Variants in LEPR observed in about 807,000 individuals in gnomAD.
LEPR encodes leptin receptor.
In LEPR, 56 loss-of-function variants were observed where a neutral mutation model predicts 114.7. The observed-to-expected ratio is 0.49, with a 90% confidence interval of 0.39 to 0.61. The LOEUF (loss-of-function observed/expected upper bound fraction) is 0.61, where lower values mean the gene tolerates loss of function less well. LEPR is among the 20% of genes least tolerant of loss of function. The pLI is 0.00. For synonymous variants in LEPR, 443 were observed against 461.4 expected, an observed-to-expected ratio of 0.96 and a Z score of 0.51; for missense variants, 1,202 against 1,352.9, an observed-to-expected ratio of 0.89 and a Z score of 1.75.
intron 14 of LEPR, among the ~76,000 whole-genome samples, chr1:65,612,921 C>T (rs889365605): frequency 1.3e-5 from 2 of 152,102 alleles, no homozygotes; most frequent in African/African-American, 4.8e-5. Context: ...TGTTGTCTGG[C>T]TGAGGTAGTG....
intron 2 of LEPR, among the ~76,000 whole-genome samples, chr1:65,479,832 A>G (rs970775391): frequency 3.9e-5 from 6 of 152,228 alleles, no homozygotes; most frequent in African/African-American, 1.4e-4. Flanking sequence ...CCAGGAATAC[A>G]GTCCTGAAGG....
chr1:65,508,301 A>G (rs188084752), intron 2 of LEPR, among the ~76,000 whole-genome samples: 1 of 152,270 alleles, frequency 6.6e-6, no homozygotes, highest in East Asian at 1.9e-4. Flanking sequence ...GTTTTCTTCT[A>G]GTAGTTTTAT....
chr1:65,527,468 G>A (rs1650053101), intron 2 of LEPR, among the ~76,000 whole-genome samples: 1 of 152,138 alleles, frequency 6.6e-6, no homozygotes, highest in Non-Finnish European at 1.5e-5. Context: ...GAAAATGTCG[G>A]GTTGTTTTAG....
At chr1:65,468,139 G>A (rs1021872466) in intron 2 of LEPR, among the ~76,000 whole-genome samples, 30 of 152,098 alleles carry the variant, frequency 2.0e-4, no homozygotes, top group Non-Finnish European at 3.8e-4. Context: ...CTGGAGCTGC[G>A]GACTGGAGCT....
At chr1:65,607,211 G>A (rs1656871630) in intron 11 of LEPR, among the ~76,000 whole-genome samples, 1 of 152,150 alleles carries the variant, frequency 6.6e-6, no homozygotes, top group Non-Finnish European at 1.5e-5. Flanking sequence ...TTTGTTGGTG[G>A]TGGTTTGTTG....
chr1:65,504,661 G>A (rs1433686887), intron 2 of LEPR, among the ~76,000 whole-genome samples: 1 of 152,148 alleles, frequency 6.6e-6, no homozygotes, highest in Non-Finnish European at 1.5e-5. Context: ...GGTGGCATGC[G>A]ACTGCAAGTA....
chr1:65,572,294 T>TG, intron 4 of LEPR, 32 bp from the exon 5 acceptor site: 1 of 1,275,428 alleles, frequency 7.8e-7, no homozygotes, highest in South Asian at 1.5e-5. Flanking sequence ...GTAGTTGTTT[T>TG]TTTTTTTTTT....
chr1:65,507,565 C>T (rs1648819902), intron 2 of LEPR, among the ~76,000 whole-genome samples: 1 of 142,620 alleles, frequency 7.0e-6, no homozygotes, highest in African/African-American at 2.6e-5. Flanking sequence ...ACACACACAA[C>T]ATTAAAAAAA....
chr1:65,435,609 C>T (rs1352524381), intron 2 of LEPR: 19 of 767,002 alleles, frequency 2.5e-5, no homozygotes, highest in East Asian at 2.6e-4. Context: ...CCTCATGATC[C>T]GCCCGCCTCT....
chr1:65,604,846 G>C (rs1656709659), intron 10 of LEPR, among the ~76,000 whole-genome samples, 192 bp from the exon 11 acceptor site: 1 of 152,164 alleles, frequency 6.6e-6, no homozygotes, highest in South Asian at 2.1e-4. Flanking sequence ...GATCTGAAGT[G>C]GAACAGTTTC....
intron 10 of LEPR, 116 bp from the exon 11 acceptor site, chr1:65,604,922 C>G: frequency 7.8e-7 from 1 of 1,285,764 alleles, no homozygotes; most frequent in Non-Finnish European, 1.1e-6. Flanking sequence ...TGAAACCGGT[C>G]CCTGGTGCCA....
At chr1:65,572,656 T>C (rs559018936) in intron 5 of LEPR, among the ~76,000 whole-genome samples, 4 of 152,282 alleles carry the variant, frequency 2.6e-5, no homozygotes, top group African/African-American at 9.6e-5. Flanking sequence ...AGGGTCACGA[T>C]TGTCAGGTCC....
intron 11 of LEPR, 93 bp downstream of exon 11, chr1:65,605,330 A>T: frequency 6.6e-7 from 1 of 1,518,220 alleles, no homozygotes; most frequent in Non-Finnish European, 9.1e-7. Context: ...TTTTCTGATC[A>T]CATTAGATTT....
chr1:65,543,988 TA>T (rs1651443579), intron 2 of LEPR, among the ~76,000 whole-genome samples: 1 of 152,038 alleles, frequency 6.6e-6, no homozygotes, highest in Non-Finnish European at 1.5e-5. Flanking sequence ...AAGTAGTTTT[TA>T]AAATTCTTTA....
intron 19 of LEPR, among the ~76,000 whole-genome samples, chr1:65,628,693 C>G (rs1380781181): frequency 6.6e-6 from 1 of 152,068 alleles, no homozygotes; most frequent in African/African-American, 2.4e-5. Context: ...TATTCCTCTA[C>G]TGGTGGATGT....
intron 2 of LEPR, among the ~76,000 whole-genome samples, chr1:65,489,936 C>A (rs553644520): frequency 8.9e-4 from 135 of 152,114 alleles, no homozygotes; most frequent in African/African-American, 3.2e-3. Flanking sequence ...GGCAATAAGC[C>A]AAGTTTATAC....
At chr1:65,442,895 A>G (rs1646667578) in intron 2 of LEPR, among the ~76,000 whole-genome samples, 1 of 152,186 alleles carries the variant, frequency 6.6e-6, no homozygotes, top group South Asian at 2.1e-4. Context: ...CTGCACACAG[A>G]GACCATACTC....
intron 17 of LEPR, among the ~76,000 whole-genome samples, chr1:65,620,645 G>T (rs765343630): frequency 1.3e-5 from 2 of 152,142 alleles, no homozygotes; most frequent in African/African-American, 2.4e-5. Context: ...TGATATTCGA[G>T]TAAAACCTTG....
chr1:65,564,324 G>A (rs369072746), intron 2 of LEPR, among the ~76,000 whole-genome samples: 2,648 of 141,760 alleles, frequency 0.019, 6 homozygotes, highest in African/African-American at 0.065. Flanking sequence ...TTCCAGGTGC[G>A]TCCGTCACCC....
Sources: allele counts gnomAD v4.1 joint callset (sites outside exome capture counted in the v4.1 genomes callset), GRCh38; gene constraint gnomAD v4.1.1; transcripts MANE v1.5; gene names NCBI Gene and HGNC (gene_info 2026-07-23, HGNC 2026-07-21).